USF3: variants seen among roughly 807,000 people sequenced by gnomAD.
The protein encoded by USF3 is basic helix-loop-helix domain-containing protein USF3.
In USF3, 29 loss-of-function variants were observed where a neutral mutation model predicts 157.5. That is an observed-to-expected ratio of 0.18 (90% CI 0.14 to 0.25). USF3 has a LOEUF of 0.25. Among genes scored for constraint, USF3 ranks in the 10% least tolerant of loss-of-function variants. The pLI is 1.00. For synonymous variants in USF3, 893 were observed against 941.4 expected, an observed-to-expected ratio of 0.95 and a Z score of 0.94; for missense variants, 2,381 against 2,667.6, an observed-to-expected ratio of 0.89 and a Z score of 2.37.
chr3:113,659,047 A>T lies in USF3; in HGVS notation c.2635T>A (p.Ser879Thr). 6.2e-7 allele frequency: 1 copy of T among 1,614,062 alleles called. No individual in the cohort carries two copies. The highest frequency in any genetic ancestry group is 8.5e-7 in the Non-Finnish European group (1 of 1,180,008). ...TCTGCTGACTTAGATTTCGATACAG[A>T]CTCAGGTATTAATGATTCAGAGCTT... ...VLSSESLIPE[S>T]VSKSKSAEKS... Residue 879 changes from serine to threonine, a missense_variant, in exon 7 of 7, where the codon TCT becomes ACT. By Grantham distance (58) the Ser-to-Thr change is moderately conservative (BLOSUM62 1). Coordinates refer to ENST00000316407, the MANE Select transcript of USF3 (RefSeq NM_001009899.4).
intron 1 of USF3, among the ~76,000 whole-genome samples, chr3:113,685,818 G>A (rs1707533958): frequency 6.6e-6 from 1 of 152,194 alleles, no homozygotes. Context: ...GGCCTAGGGT[G>A]GGTCTAGAAA....
chr3:113,649,292 C>G lies in USF3; in HGVS notation c.*5652G>C, dbSNP rs969956448. On this transcript the variant is annotated 3_prime_UTR_variant, in exon 7 of 7. Coordinates refer to ENST00000316407, the MANE Select transcript of USF3 (RefSeq NM_001009899.4). ...TTCTGTCTTATGAAATCTCTAATGA[C>G]AGGATTATGCAGTCATCCAAAATTC... 1 of 152,506 alleles carries G rather than the reference C, an allele frequency of 6.6e-6. No individual in the cohort carries two copies. The highest frequency in any genetic ancestry group is 2.4e-5 in the African/African-American group (1 of 41,440). 9.4% of individuals were successfully genotyped at this position (152,506 alleles called of 1,614,324 possible).
Position 113,659,944 on chromosome 3 carries a change from T to C in USF3, c.1738A>G (p.Ile580Val), listed in dbSNP as rs1432841739. 6.2e-7 allele frequency: 1 copy of C among 1,614,062 alleles called. No individual in the cohort carries two copies. Among genetic ancestry groups the C allele is most frequent in the Non-Finnish European group, 8.5e-7 (1 of 1,180,022 alleles). The part of the protein sequence containing the change: ...EVSNQTVGQQ[I>V]VIIQAANQNP... Reference sequence around the variant, plus strand: ...TGATTAGCAGCCTGTATGATTACTATCTGTTGACCTACTGTTTGGTTGGAA... The same window carrying C: ...TGATTAGCAGCCTGTATGATTACTACCTGTTGACCTACTGTTTGGTTGGAA... The change falls in exon 7 of 7, where the codon ATA (isoleucine) becomes GTA (valine). Residue 580 changes from isoleucine to valine, a missense_variant. By Grantham distance (29) the Ile-to-Val change is conservative (BLOSUM62 3). Coordinates refer to ENST00000316407, the MANE Select transcript of USF3 (RefSeq NM_001009899.4).
At chr3:113,664,224 C>T (rs1947529111) in intron 6 of USF3, 89 bp downstream of exon 6, 1 of 790,810 alleles carries the variant, frequency 1.3e-6, no homozygotes, top group Non-Finnish European at 2.0e-6. Flanking sequence ...GGCCAAAAAG[C>T]TTTCTATGTC....
chr3:113,680,957 CTTTA>C (rs1411675022), intron 1 of USF3, among the ~76,000 whole-genome samples: 1 of 151,636 alleles, frequency 6.6e-6, no homozygotes, highest in East Asian at 1.9e-4. Flanking sequence ...CTGTTAGGTT[CTTTA>C]TTTGAAGTTT....
rs1433893382 is a variant in USF3 at position 113,654,069 on chromosome 3, T to C, written c.*875A>G. 1 of 152,430 alleles carries C rather than the reference T, an allele frequency of 6.6e-6. No individual in the cohort carries two copies. 9.4% of individuals were successfully genotyped at this position (152,430 alleles called of 1,614,324 possible). On this transcript the variant is annotated 3_prime_UTR_variant, in exon 7 of 7. Transcript: ENST00000316407. ...TTATTTCAAGACCAAATAAATAGAA[T>C]GAAGAGAGAATACTAAATTAAACTC...
intron 1 of USF3, among the ~76,000 whole-genome samples, chr3:113,692,679 A>C (rs904757329): frequency 6.6e-6 from 1 of 152,212 alleles, no homozygotes; most frequent in Non-Finnish European, 1.5e-5. Context: ...TGTTGGGCAC[A>C]TGGTAAATAA....
intron 1 of USF3, among the ~76,000 whole-genome samples, chr3:113,688,586 T>A (rs1707611322): frequency 6.6e-6 from 1 of 152,194 alleles, no homozygotes; most frequent in Non-Finnish European, 1.5e-5. Context: ...TATTTGAGTG[T>A]GTTTCATTCA....
At chr3:113,693,158 T>C (rs987805778) in intron 1 of USF3, among the ~76,000 whole-genome samples, 1 of 152,254 alleles carries the variant, frequency 6.6e-6, no homozygotes, top group Non-Finnish European at 1.5e-5. Context: ...CATTTACTCA[T>C]TTAAGAACAT....
rs769775764 is a variant in USF3 at position 113,656,355 on chromosome 3, C to T, written c.5327G>A (p.Arg1776Gln). Residue 1776 changes from arginine to glutamine, a missense_variant, in exon 7 of 7, where the codon CGA (arginine) becomes CAA (glutamine). This residue lies in a region of USF3 where 770 missense variants were observed against 824.2 expected (regional missense o/e 0.93). Transcript: ENST00000316407. ...TGGGGGGCCAGTGTTTTGACTAATTCGAAAAGCCTGGGACTGCATACTCCG... is the reference window on the plus strand; with the variant it reads ...TGGGGGGCCAGTGTTTTGACTAATTTGAAAAGCCTGGGACTGCATACTCCG... ...SLRSMQSQAF[R>Q]ISQNTGPPPI... is the part of the protein sequence containing the mutation. The T allele has an allele frequency of 3.8e-5, 61 of 1,613,994 alleles. No individual in the cohort carries two copies. The highest frequency in any genetic ancestry group is 4.8e-5 in the Non-Finnish European group (57 of 1,180,026).
chr3:113,680,709 GA>G (rs1707398060), intron 1 of USF3, among the ~76,000 whole-genome samples: 1 of 150,992 alleles, frequency 6.6e-6, no homozygotes, highest in Non-Finnish European at 1.5e-5. Flanking sequence ...GCTGAGGCAG[GA>G]GAATCACTTG....
Position 113,656,447 on chromosome 3 carries a change from C to T in USF3, c.5235G>A (p.Gln1745=), listed in dbSNP as rs1207745613. Residue 1745 remains glutamine, a synonymous_variant, in exon 7 of 7, where the codon CAG becomes CAA. Transcript: ENST00000316407. ...ATTGTACTTCAAAATTACTCTGGGGCTGTTGACTAGCTCCACTTGGTTTAA... is the reference window on the plus strand; with the variant it reads ...ATTGTACTTCAAAATTACTCTGGGGTTGTTGACTAGCTCCACTTGGTTTAA... ...QTFKPSGASQ[Q]PQSNFEVQSS... is the part of the protein sequence containing the mutation. 1.9e-6 allele frequency: 3 copies of T among 1,614,166 alleles called. No individual in the cohort carries two copies. The African/African-American group carries it at 4.0e-5, about 22-fold the overall frequency.
At position 113,674,880 on chromosome 3, in the gene USF3, G is replaced by A; in HGVS notation, c.-2C>T. Reference sequence around the variant, plus strand: ...CTCATTCTCTGTCATTTCTGGCATGGTTACAGTAATAGGAACCTACAGAAG... The same window carrying A: ...CTCATTCTCTGTCATTTCTGGCATGATTACAGTAATAGGAACCTACAGAAG... On this transcript the variant is annotated 5_prime_UTR_variant, in exon 3 of 7. Coordinates refer to ENST00000316407, the MANE Select transcript of USF3 (RefSeq NM_001009899.4). The A allele has an allele frequency of 6.2e-7, 1 of 1,611,732 alleles. No individual in the cohort carries two copies. The highest frequency in any genetic ancestry group is 8.5e-7 in the Non-Finnish European group (1 of 1,177,944).
chr3:113,660,332 T>C lies in USF3; in HGVS notation c.1350A>G (p.Pro450=), dbSNP rs373083445. The C allele has an allele frequency of 3.0e-4, 486 of 1,614,210 alleles. No individual in the cohort carries two copies. The East Asian group carries it at 4.3e-3, about 14-fold the overall frequency. The part of the protein sequence containing the change: ...GNTIQPLSQT[P]SSAVTPVLNE... ...TTAATACTGGAGTCACAGCAGAAGA[T>C]GGTGTCTGGCTTAAGGGCTGAATAG... Residue 450 remains proline (P), a synonymous_variant, in exon 7 of 7, where the codon CCA becomes CCG. Transcript: ENST00000316407.
intron 5 of USF3, among the ~76,000 whole-genome samples, chr3:113,666,907 CTG>C (rs1197440822): frequency 6.6e-6 from 1 of 151,992 alleles, no homozygotes; most frequent in African/African-American, 2.4e-5. Context: ...TTGCTAATGA[CTG>C]TATTTATTTT....
At chr3:113,693,900 G>A (rs1252474783) in intron 1 of USF3, among the ~76,000 whole-genome samples, 1 of 152,214 alleles carries the variant, frequency 6.6e-6, no homozygotes, top group Non-Finnish European at 1.5e-5. Context: ...GCAGTGGGGG[G>A]AAAGTTGGAC....
chr3:113,671,959 C>T (rs1040068971), intron 4 of USF3, among the ~76,000 whole-genome samples: 3 of 151,054 alleles, frequency 2.0e-5, no homozygotes, highest in Admixed American at 1.3e-4. Context: ...CTTGTAGAGG[C>T]GGGGTCTCCC....
At chr3:113,687,229 T>TCACG (rs1707572669) in intron 1 of USF3, among the ~76,000 whole-genome samples, 1 of 102,480 alleles carries the variant, frequency 9.8e-6, no homozygotes, top group East Asian at 2.4e-4. Flanking sequence ...ACACACACAG[T>TCACG]CACACACACA....
Position 113,696,498 on chromosome 3 carries a change from G to T in USF3, c.-263C>A, listed in dbSNP as rs1282779463. On this transcript the variant is annotated 5_prime_UTR_variant, in exon 1 of 7. Coordinates refer to ENST00000316407, the MANE Select transcript of USF3 (RefSeq NM_001009899.4). ...GCGAATCTCTCCGTCCGCGGCCACC[G>T]CCTGCTCCTCCGGGGCTGGGGGAGC... 6.6e-6 allele frequency: 1 copy of T among 152,152 alleles called. No homozygotes were observed. Among genetic ancestry groups the T allele is most frequent in the East Asian group, 1.9e-4 (1 of 5,172 alleles). 9.4% of individuals were successfully genotyped at this position (152,152 alleles called of 1,614,324 possible).
Sources: gnomAD v4.1 joint callset for allele counts (sites outside exome capture counted in the v4.1 genomes callset) on GRCh38, gnomAD v4.1.1 for gene constraint, gnomAD v4.1.1 regional missense constraint, MANE v1.5 for transcripts, NCBI Gene and HGNC (gene_info 2026-07-23, HGNC 2026-07-21) for gene names.